LTBP1: variants seen among roughly 807,000 people sequenced by gnomAD.
LTBP1 encodes latent transforming growth factor beta binding protein 1, also known as latent-transforming growth factor beta-binding protein 1.
Under a neutral mutation model 207.6 loss-of-function variants are expected in LTBP1, and 129 were observed. The ratio of observed to expected loss-of-function variants is 0.62; its 90% CI spans 0.54 to 0.72. The LOEUF (loss-of-function observed/expected upper bound fraction) is 0.72, where lower values mean the gene tolerates loss of function less well. Among genes scored for constraint, LTBP1 ranks in the 30% least tolerant of loss-of-function variants. The pLI, the probability that LTBP1 is intolerant of heterozygous loss-of-function variation, is 0.00. For synonymous variants in LTBP1, 963 were observed against 833.7 expected, an observed-to-expected ratio of 1.16 and a Z score of -2.67; for missense variants, 2,281 against 2,217.2, an observed-to-expected ratio of 1.03 and a Z score of -0.58.
chr2:33,192,942 A>G (rs1432712744), intron 7 of LTBP1, among the ~76,000 whole-genome samples: 1 of 152,138 alleles, frequency 6.6e-6, no homozygotes, highest in Non-Finnish European at 1.5e-5. Flanking sequence ...TAATGACATT[A>G]ATGCATTCAT....
intron 19 of LTBP1, among the ~76,000 whole-genome samples, chr2:33,282,685 C>T (rs966953675): frequency 7.9e-5 from 12 of 152,196 alleles, no homozygotes; most frequent in African/African-American, 2.7e-4. Flanking sequence ...TCATCACTAA[C>T]ATAACTGGAT....
chr2:33,323,677 G>A (rs2094388334), intron 24 of LTBP1, among the ~76,000 whole-genome samples: 1 of 152,004 alleles, frequency 6.6e-6, no homozygotes, highest in Non-Finnish European at 1.5e-5. Context: ...TCCTAATTTG[G>A]AGACCATCTG....
intron 9 of LTBP1, among the ~76,000 whole-genome samples, chr2:33,239,819 G>T (rs890661089): frequency 6.6e-6 from 1 of 151,732 alleles, no homozygotes; most frequent in Non-Finnish European, 1.5e-5. Flanking sequence ...CAGGAGAATC[G>T]CTTGAACCTG....
At chr2:33,358,139 CA>C (rs553504445) in intron 26 of LTBP1, among the ~76,000 whole-genome samples, 200 of 152,176 alleles carry the variant, frequency 1.3e-3, no homozygotes, top group African/African-American at 4.3e-3. Context: ...CAGGGTAAGT[CA>C]AGATGAGGGC....
chr2:33,306,973 A>G (rs1344048721), intron 22 of LTBP1, among the ~76,000 whole-genome samples: 24 of 152,260 alleles, frequency 1.6e-4, no homozygotes. Context: ...CTGTAGTCCC[A>G]GCTACTTGGG....
At chr2:33,169,314 T>C (rs1017813657) in intron 5 of LTBP1, among the ~76,000 whole-genome samples, 1 of 152,254 alleles carries the variant, frequency 6.6e-6, no homozygotes, top group Non-Finnish European at 1.5e-5. Context: ...CATTATATTT[T>C]TCTTTTCCAG....
chr2:33,119,873 A>G (rs932715366), intron 4 of LTBP1, among the ~76,000 whole-genome samples: 2 of 152,020 alleles, frequency 1.3e-5, no homozygotes, highest in Non-Finnish European at 1.5e-5. Context: ...TACCTTTCTT[A>G]TATTTTATAT....
intron 24 of LTBP1, among the ~76,000 whole-genome samples, chr2:33,323,731 G>A (rs1400601026): frequency 6.6e-6 from 1 of 152,180 alleles, no homozygotes; most frequent in Non-Finnish European, 1.5e-5. Flanking sequence ...TGAATCAAGG[G>A]AGGAAGGGAC....
At chr2:33,002,029 T>A (rs1358775661) in intron 2 of LTBP1, among the ~76,000 whole-genome samples, 1 of 134,580 alleles carries the variant, frequency 7.4e-6, no homozygotes, top group African/African-American at 2.6e-5. Context: ...GTCACTGCTG[T>A]CTAGGTCAGA....
At chr2:33,016,506 T>A (rs528604063) in intron 2 of LTBP1, among the ~76,000 whole-genome samples, 1 of 152,228 alleles carries the variant, frequency 6.6e-6, no homozygotes, top group Admixed American at 6.5e-5. Context: ...CCGCTAGAGA[T>A]TCTGATTTAA....
intron 3 of LTBP1, among the ~76,000 whole-genome samples, chr2:33,065,869 C>T (rs566573845): frequency 5.9e-5 from 9 of 152,242 alleles, no homozygotes; most frequent in South Asian, 4.1e-4. Context: ...AAATTCACTT[C>T]GCTAGATATA....
At position 33,263,127 on chromosome 2, in the gene LTBP1, A is replaced by G. The variant is rs141064961; in HGVS notation, c.2519-167A>G. 3.9e-5 allele frequency among the ~76,000 whole-genome samples: 6 copies of G among 152,254 alleles called. No individual in the cohort carries two copies. The East Asian group carries it at 1.2e-3, about 29-fold the overall frequency. On this transcript the variant is annotated intron_variant, in intron 14 of 33. Transcript: ENST00000404816. ...CTTGGCTTCCGCATCACTCTCAGAT[A>G]TTCTTGCTAAATGTTGAACCCAGAG...
At chr2:33,077,730 G>A (rs550123) in intron 3 of LTBP1, among the ~76,000 whole-genome samples, 99,850 of 152,118 alleles carry the variant, frequency 0.66, 35,447 homozygotes, top group East Asian at 0.98. Context: ...GTATCAAAAC[G>A]CATTGTTGTT....
intron 31 of LTBP1, among the ~76,000 whole-genome samples, chr2:33,381,158 G>T (rs575109926): frequency 1.7e-4 from 26 of 152,218 alleles, no homozygotes; most frequent in African/African-American, 6.3e-4. Flanking sequence ...GAAATTGCTT[G>T]GATGTAAGAC....
At chr2:33,304,225 A>C (rs2094047187) in intron 22 of LTBP1, among the ~76,000 whole-genome samples, 1 of 152,206 alleles carries the variant, frequency 6.6e-6, no homozygotes, top group Non-Finnish European at 1.5e-5. Flanking sequence ...ACTGGGTTAT[A>C]AATAGGACTG....
chr2:33,283,392 T>C (rs1056431683), intron 19 of LTBP1, among the ~76,000 whole-genome samples: 3 of 150,850 alleles, frequency 2.0e-5, no homozygotes, highest in Admixed American at 6.6e-5. Flanking sequence ...TTTGCCCCAA[T>C]TGTTAATGAA....
intron 31 of LTBP1, among the ~76,000 whole-genome samples, chr2:33,366,261 T>G (rs2094985892): frequency 6.6e-6 from 1 of 152,210 alleles, no homozygotes; most frequent in African/African-American, 2.4e-5. Flanking sequence ...TATATCCTTT[T>G]GTAAAGTTGA....
intron 32 of LTBP1, among the ~76,000 whole-genome samples, chr2:33,395,130 C>A (rs1407259044): frequency 6.6e-6 from 1 of 152,134 alleles, no homozygotes; most frequent in African/African-American, 2.4e-5. Context: ...TTACAAAATA[C>A]TTCTACTGAG....
intron 3 of LTBP1, among the ~76,000 whole-genome samples, chr2:33,079,324 T>A (rs2078267193): frequency 1.3e-5 from 2 of 151,990 alleles, no homozygotes; most frequent in Admixed American, 6.6e-5. Context: ...CACAGTGAAA[T>A]GGGAACACAC....
Sources: allele counts gnomAD v4.1 joint callset (sites outside exome capture counted in the v4.1 genomes callset), GRCh38; gene constraint gnomAD v4.1.1; transcripts MANE v1.5; gene names NCBI Gene and HGNC (gene_info 2026-07-23, HGNC 2026-07-21).